PRKG1: variants seen among roughly 807,000 people sequenced by gnomAD.
The protein encoded by PRKG1 is protein kinase cGMP-dependent 1, also known as cGMP-dependent protein kinase 1.
PRKG1 carries 35 observed loss-of-function variants against 88.1 expected under a neutral mutation model. The observed-to-expected ratio is 0.40, with a 90% confidence interval of 0.30 to 0.53. The LOEUF (loss-of-function observed/expected upper bound fraction) is 0.53. Ranked by LOEUF, PRKG1 falls within the 20% of genes least tolerant of loss-of-function variation. PRKG1 has a pLI of 0.59. For missense variants in PRKG1, 540 were observed against 839.8 expected (o/e 0.64, Z 4.41); for synonymous variants, 303 against 292.5 (o/e 1.04, Z -0.37).
intron 3 of PRKG1, among the ~76,000 whole-genome samples, chr10:51,573,578 C>T (rs1383412766): frequency 6.6e-6 from 1 of 151,798 alleles, no homozygotes; most frequent in Non-Finnish European, 1.5e-5. Flanking sequence ...TACCATGAAG[C>T]TAATAAACCT....
chr10:51,861,261 A>G (rs1036754384), intron 4 of PRKG1, among the ~76,000 whole-genome samples: 2 of 152,170 alleles, frequency 1.3e-5, no homozygotes, highest in South Asian at 2.1e-4. Context: ...CAGTAAGGGT[A>G]GAAAAATAGA....
chr10:52,277,892 G>C (rs558606025), intron 12 of PRKG1, among the ~76,000 whole-genome samples: 103 of 152,232 alleles, frequency 6.8e-4, no homozygotes, highest in African/African-American at 2.2e-3. Context: ...TAAGGAAGCA[G>C]AGGTATGTTG....
intron 1 of PRKG1, among the ~76,000 whole-genome samples, chr10:51,022,164 C>T (rs1843146870): frequency 1.3e-5 from 2 of 152,100 alleles, no homozygotes; most frequent in Non-Finnish European, 2.9e-5. Flanking sequence ...GGATCATGAC[C>T]CATCACCAGA....
intron 10 of PRKG1, among the ~76,000 whole-genome samples, chr10:52,262,584 A>G (rs1029370018): frequency 7.9e-5 from 12 of 151,980 alleles, no homozygotes; most frequent in Non-Finnish European, 1.3e-4. Context: ...TTTTATTCTC[A>G]TAAGTAAGGA....
At chr10:51,571,548 G>A (rs143769949) in intron 3 of PRKG1, among the ~76,000 whole-genome samples, 134 of 151,954 alleles carry the variant, frequency 8.8e-4, no homozygotes, top group African/African-American at 3.1e-3. Flanking sequence ...GAGGGGGTGA[G>A]GCAGTCCCTT....
intron 2 of PRKG1, among the ~76,000 whole-genome samples, chr10:51,424,231 C>T (rs961689699): frequency 2.0e-5 from 3 of 152,028 alleles, no homozygotes; most frequent in Non-Finnish European, 2.9e-5. Context: ...GAGTCCAGTT[C>T]TCTTTGGACC....
rs535877100 is a variant in PRKG1, at chr10:51,389,723, G to A, written c.479-78000G>A. On this transcript the variant is annotated intron_variant, in intron 2 of 17. Coordinates refer to ENST00000373980, the MANE Select transcript of PRKG1 (RefSeq NM_006258.4). The stretch of plus-strand genomic sequence containing the variant: ...ATAGAGAAATAATAATGCTGGATTA[G>A]CTCACAAATTACTTCCCATATACAG... Among the ~76,000 whole-genome samples the A allele has an allele frequency of 1.4e-3, 218 of 152,126 alleles. 1 individual carries two copies. Among genetic ancestry groups the A allele is most frequent in the Non-Finnish European group, 2.3e-3 (159 of 68,002 alleles).
At chr10:51,256,986 T>C (rs1367857207) in intron 2 of PRKG1, among the ~76,000 whole-genome samples, 1 of 151,902 alleles carries the variant, frequency 6.6e-6, no homozygotes, top group Non-Finnish European at 1.5e-5. Flanking sequence ...TAAATAAAAA[T>C]TCAAAATTAA....
At chr10:51,184,383 A>G (rs7075809) in intron 2 of PRKG1, among the ~76,000 whole-genome samples, 8,084 of 152,256 alleles carry the variant, frequency 0.053, 401 homozygotes, top group African/African-American at 0.13. Context: ...TTTAACCTCA[A>G]TATTGTTGCT....
At chr10:51,839,264 C>T (rs535120945) in intron 4 of PRKG1, among the ~76,000 whole-genome samples, 2 of 152,304 alleles carry the variant, frequency 1.3e-5, no homozygotes, top group South Asian at 4.1e-4. Context: ...CCTCCCAGCT[C>T]ATTTCTGCAC....
chr10:52,205,282 C>T (rs1017330366), intron 9 of PRKG1, among the ~76,000 whole-genome samples: 12 of 152,114 alleles, frequency 7.9e-5, no homozygotes, highest in Admixed American at 2.0e-4. Context: ...ACACCCTATT[C>T]GTACACTCCC....
intron 3 of PRKG1, among the ~76,000 whole-genome samples, chr10:51,582,045 G>A (rs1838053479): frequency 6.6e-6 from 1 of 152,094 alleles, no homozygotes; most frequent in Non-Finnish European, 1.5e-5. Flanking sequence ...TAAAGACTAA[G>A]TAGAGACTAA....
chr10:52,276,839 T>C (rs1481816856), intron 12 of PRKG1, among the ~76,000 whole-genome samples: 2 of 152,228 alleles, frequency 1.3e-5, no homozygotes, highest in East Asian at 3.8e-4. Flanking sequence ...TTGTGACTGC[T>C]TTCAAGATGT....
At chr10:51,641,308 T>C (rs78581613) in intron 3 of PRKG1, among the ~76,000 whole-genome samples, 6,368 of 152,238 alleles carry the variant, frequency 0.042, 202 homozygotes, top group South Asian at 0.12. Context: ...AGTCCCTGCT[T>C]CTTGCGGTTG....
rs145207090 is a variant in PRKG1 at position 51,800,468 on chromosome 10, G to A, written c.593-4117G>A. Among the ~76,000 whole-genome samples, 859 of 152,110 alleles carry A rather than the reference G, an allele frequency of 5.6e-3. 12 individuals are homozygous for A. The highest frequency in any genetic ancestry group is 0.02 in the Middle Eastern group (6 of 294). On this transcript the variant is annotated intron_variant, in intron 3 of 17. Coordinates refer to ENST00000373980, the MANE Select transcript of PRKG1 (RefSeq NM_006258.4). ...AGAACACTTACATCAGCCTACAGTT[G>A]GGAAAAATCATGTAGCACAAAGCCT...
intron 3 of PRKG1, among the ~76,000 whole-genome samples, chr10:51,634,942 G>A (rs1442594071): frequency 2.6e-5 from 4 of 152,070 alleles, no homozygotes; most frequent in Admixed American, 6.6e-5. Flanking sequence ...CATACTTGAG[G>A]GAGGTGGGTG....
chr10:51,725,449 C>G, intron 3 of PRKG1, among the ~76,000 whole-genome samples: 1 of 133,524 alleles, frequency 7.5e-6, no homozygotes, highest in East Asian at 2.0e-4. Context: ...TTTTTTTTTT[C>G]CTTTGGTCAA....
chr10:51,244,725 A>C (rs981482517), intron 2 of PRKG1, among the ~76,000 whole-genome samples: 5 of 152,032 alleles, frequency 3.3e-5, no homozygotes, highest in African/African-American at 1.2e-4. Flanking sequence ...AAATTATCCT[A>C]CTATCCTTTT....
intron 3 of PRKG1, among the ~76,000 whole-genome samples, chr10:51,600,208 C>A (rs142173469): frequency 1.3e-5 from 2 of 152,198 alleles, no homozygotes; most frequent in Non-Finnish European, 2.9e-5. Context: ...AGTATTTATA[C>A]CTCTGCCTTA....
Sources: gnomAD v4.1 joint callset for allele counts (sites outside exome capture counted in the v4.1 genomes callset) on GRCh38, gnomAD v4.1.1 for gene constraint, MANE v1.5 for transcripts, NCBI Gene and HGNC (gene_info 2026-07-23, HGNC 2026-07-21) for gene names.